Variants in CCDC34 observed in about 807,000 individuals in gnomAD.
CCDC34 encodes the protein coiled-coil domain containing 34, also known as coiled-coil domain-containing protein 34.
CCDC34 carries 40 observed loss-of-function variants against 44.1 expected under a neutral mutation model. The observed-to-expected ratio is 0.91, with a 90% CI of 0.70 to 1.18. The LOEUF is 1.18. Ranked by LOEUF, CCDC34 falls within the 50% of genes most tolerant of loss-of-function variation. The pLI is 0.00. For synonymous variants in CCDC34, 159 were observed against 158.2 expected (o/e 1.01, Z -0.04); for missense variants, 466 against 452.3 (o/e 1.03, Z -0.28).
intron 2 of CCDC34, among the ~76,000 whole-genome samples, chr11:27,354,150 T>G (rs1258599279): frequency 2.6e-5 from 4 of 152,208 alleles, no homozygotes; most frequent in Admixed American, 6.5e-5. Flanking sequence ...TATGTTAGGA[T>G]ATCCCTGGCA....
chr11:27,355,536 AAAT>A, intron 2 of CCDC34, among the ~76,000 whole-genome samples: 1 of 152,330 alleles, frequency 6.6e-6, no homozygotes, highest in African/African-American at 2.4e-5. Flanking sequence ...GTAATGATAT[AAAT>A]AACAATACAA....
At chr11:27,346,331 G>T (rs957756032) in intron 3 of CCDC34, among the ~76,000 whole-genome samples, 1 of 151,842 alleles carries the variant, frequency 6.6e-6, no homozygotes, top group African/African-American at 2.4e-5. Context: ...GGGAGGCAGA[G>T]GTGCGGTGAG....
intron 3 of CCDC34, among the ~76,000 whole-genome samples, chr11:27,347,731 G>A (rs1001916285): frequency 6.6e-6 from 1 of 152,078 alleles, no homozygotes; most frequent in South Asian, 2.1e-4. Flanking sequence ...AGGCTGGCTG[G>A]GGGCAGGGAG....
intron 3 of CCDC34, among the ~76,000 whole-genome samples, chr11:27,343,998 G>C (rs956878721): frequency 4.6e-5 from 7 of 151,946 alleles, no homozygotes; most frequent in South Asian, 2.1e-4. Context: ...AAATGAATTC[G>C]AGAAAAAGTA....
chr11:27,348,706 T>A (rs1336883634), intron 3 of CCDC34, among the ~76,000 whole-genome samples: 2 of 149,180 alleles, frequency 1.3e-5, no homozygotes, highest in Non-Finnish European at 3.0e-5. Flanking sequence ...AGAAAAAAGC[T>A]AGATGCCAGA....
At position 27,338,682 on chromosome 11, in the gene CCDC34, G is replaced by C; in HGVS notation, c.*139C>G. 1.5e-6 allele frequency: 1 copy of C among 685,624 alleles called. No individual in the cohort carries two copies. Among genetic ancestry groups the C allele is most frequent in the Non-Finnish European group, 2.4e-6 (1 of 410,990 alleles). The allele number at this position is 685,624 out of a possible 1,614,324, so 42.5% of individuals were successfully genotyped here. A position where few individuals can be genotyped will look rare whatever the true frequency, so the allele number is the denominator to read the frequency against. On this transcript the variant is annotated 3_prime_UTR_variant, in exon 6 of 6. Coordinates refer to ENST00000328697, the MANE Select transcript of CCDC34 (RefSeq NM_030771.2). Reference sequence around the variant, plus strand: ...CAGAAAATATCTTCCTCAACTCTAAGGACTCCATATACAAATGCAAAAATT... The same window carrying C: ...CAGAAAATATCTTCCTCAACTCTAACGACTCCATATACAAATGCAAAAATT...
intron 2 of CCDC34, among the ~76,000 whole-genome samples, chr11:27,355,258 T>C (rs561036440): frequency 1.3e-5 from 2 of 152,240 alleles, no homozygotes; most frequent in South Asian, 4.1e-4. Flanking sequence ...GACCAGCCTT[T>C]TGAAAAAAGA....
chr11:27,351,336 C>A (rs1257459758), intron 2 of CCDC34, among the ~76,000 whole-genome samples: 1 of 152,150 alleles, frequency 6.6e-6, no homozygotes, highest in African/African-American at 2.4e-5. Flanking sequence ...ATTTTCCAAC[C>A]CTCAGACTAA....
chr11:27,349,837 AAAC>A (rs760188057), intron 3 of CCDC34: 1,053 of 974,956 alleles, frequency 1.1e-3, no homozygotes, highest in South Asian at 1.3e-3. Context: ...TATAAGAAGT[AAAC>A]AACAAGTTGA....
At chr11:27,348,268 G>T (rs1862460007) in intron 3 of CCDC34, among the ~76,000 whole-genome samples, 1 of 152,186 alleles carries the variant, frequency 6.6e-6, no homozygotes, top group African/African-American at 2.4e-5. Context: ...ATAATGCAAT[G>T]ATAACAGTGT....
chr11:27,343,007 T>C (rs934342413), intron 3 of CCDC34, among the ~76,000 whole-genome samples: 1 of 152,182 alleles, frequency 6.6e-6, no homozygotes, highest in Non-Finnish European at 1.5e-5. Flanking sequence ...AAGCAGCTTA[T>C]AGAATACATT....
At chr11:27,345,472 T>G (rs1439216432) in intron 3 of CCDC34, among the ~76,000 whole-genome samples, 1 of 152,116 alleles carries the variant, frequency 6.6e-6, no homozygotes, top group East Asian at 1.9e-4. Context: ...TGTGTGATGT[T>G]CCCCTTCCTG....
chr11:27,343,789 C>T (rs74497719), intron 3 of CCDC34, among the ~76,000 whole-genome samples: 3,526 of 152,152 alleles, frequency 0.023, 54 homozygotes, highest in Admixed American at 0.037. Flanking sequence ...GAGGTAGATA[C>T]CATTATTATC....
At chr11:27,358,962 C>CG (rs1396222135) in intron 1 of CCDC34, among the ~76,000 whole-genome samples, 1 of 108,674 alleles carries the variant, frequency 9.2e-6, no homozygotes, top group Admixed American at 8.8e-5. Flanking sequence ...ATGTGGACCC[C>CG]CCCCCCCCAC....
intron 1 of CCDC34, among the ~76,000 whole-genome samples, chr11:27,360,910 T>C (rs1233773646): frequency 2.6e-5 from 4 of 152,206 alleles, no homozygotes; most frequent in Non-Finnish European, 5.9e-5. Context: ...TGGATGTCAT[T>C]GTATCAAAGA....
At chr11:27,342,772 A>T (rs1027070688) in intron 3 of CCDC34, among the ~76,000 whole-genome samples, 1 of 152,256 alleles carries the variant, frequency 6.6e-6, no homozygotes, top group Non-Finnish European at 1.5e-5. Context: ...ATAGAAAAAA[A>T]AATATTGATC....
chr11:27,349,771 T>C (rs1862479232), intron 3 of CCDC34: 2 of 951,820 alleles, frequency 2.1e-6, no homozygotes, highest in Non-Finnish European at 2.5e-6. Context: ...ATCTAGCTCC[T>C]GGAAAACTGA....
Position 27,338,762 on chromosome 11 carries a change from C to T in CCDC34, c.*59G>A, listed in dbSNP as rs1862313933. 1.4e-6 allele frequency: 2 copies of T among 1,437,272 alleles called. No homozygotes were observed. The highest frequency in any genetic ancestry group is 3.8e-5 in the Admixed American group (2 of 52,562). 89.0% of individuals were successfully genotyped at this position (1,437,272 alleles called of 1,614,324 possible). A position where few individuals can be genotyped will look rare whatever the true frequency, so the allele number is the denominator to read the frequency against. On this transcript the variant is annotated 3_prime_UTR_variant, in exon 6 of 6. Transcript: ENST00000328697. ...GAGTTATTGACTGAGCAGTAAAAAA[C>T]AATTTCTGATTTTTAAATTAAATAG...
At chr11:27,360,015 T>C (rs1229582576) in intron 1 of CCDC34, among the ~76,000 whole-genome samples, 1 of 152,218 alleles carries the variant, frequency 6.6e-6, no homozygotes, top group Admixed American at 6.5e-5. Flanking sequence ...GAAACAGTTG[T>C]TGAAAGACAA....
Sources: allele counts gnomAD v4.1 joint callset (sites outside exome capture counted in the v4.1 genomes callset), GRCh38; gene constraint gnomAD v4.1.1; transcripts MANE v1.5; gene names NCBI Gene and HGNC (gene_info 2026-07-23, HGNC 2026-07-21).